Variants in TMTC2 observed in about 807,000 individuals in gnomAD.
The protein encoded by TMTC2 is transmembrane O-mannosyltransferase targeting cadherins 2, also known as protein O-mannosyl-transferase TMTC2.
Under a neutral mutation model 82.4 loss-of-function variants are expected in TMTC2, and 43 were observed. That is an observed-to-expected ratio of 0.52 (90% confidence interval 0.41 to 0.67). The LOEUF is 0.67. TMTC2 is among the 30% of genes least tolerant of loss of function. The probability of loss-of-function intolerance (pLI) is 0.00; values close to 1 mark genes in which losing one functional copy is unlikely to be tolerated. For synonymous variants in TMTC2, 408 were observed against 381.9 expected (o/e 1.07, Z -0.80); for missense variants, 919 against 1,012.4 (o/e 0.91, Z 1.25).
chr12:83,064,968 T>G (rs1314723966), intron 11 of TMTC2, among the ~76,000 whole-genome samples: 2 of 151,976 alleles, frequency 1.3e-5, no homozygotes, highest in Admixed American at 1.3e-4. Flanking sequence ...TTTTCTAGTT[T>G]TATCCCCTAC....
At chr12:82,693,853 C>G (rs946514811) in intron 1 of TMTC2, among the ~76,000 whole-genome samples, 12 of 151,248 alleles carry the variant, frequency 7.9e-5, no homozygotes, top group African/African-American at 2.9e-4. Context: ...CTGTAACCCC[C>G]GCTACTCAGG....
At chr12:83,100,481 A>G (rs1462748174) in intron 11 of TMTC2, among the ~76,000 whole-genome samples, 1 of 152,200 alleles carries the variant, frequency 6.6e-6, no homozygotes. Context: ...AGAAAATGGT[A>G]AAGTGAGGAT....
At chr12:83,040,892 G>C (rs887019969) in intron 9 of TMTC2, among the ~76,000 whole-genome samples, 1 of 151,962 alleles carries the variant, frequency 6.6e-6, no homozygotes, top group Admixed American at 6.6e-5. Flanking sequence ...CACCGTGTTA[G>C]CCAGGATGGT....
chr12:82,690,387 G>C, intron 1 of TMTC2: 1 of 985,412 alleles, frequency 1.0e-6, no homozygotes, highest in South Asian at 4.7e-5. Flanking sequence ...GGAGATGGCT[G>C]TTATTCCTGA....
intron 11 of TMTC2, among the ~76,000 whole-genome samples, chr12:83,114,878 T>C (rs1162108599): frequency 6.6e-6 from 1 of 151,690 alleles, no homozygotes; most frequent in African/African-American, 2.4e-5. Context: ...TATATATGTA[T>C]ATGTGTGTAT....
At chr12:82,812,400 A>G (rs116790887) in intron 1 of TMTC2, among the ~76,000 whole-genome samples, 2,532 of 152,208 alleles carry the variant, frequency 0.017, 62 homozygotes, top group African/African-American at 0.057. Flanking sequence ...TAATGGCCCA[A>G]CTGGAAATCT....
chr12:82,887,057 T>C (rs1013304350), intron 2 of TMTC2, among the ~76,000 whole-genome samples: 1 of 152,224 alleles, frequency 6.6e-6, no homozygotes, highest in Non-Finnish European at 1.5e-5. Context: ...TTTCAGAAAC[T>C]GATTTTTATC....
chr12:82,961,581 A>C (rs1202163042), intron 4 of TMTC2, among the ~76,000 whole-genome samples: 1 of 152,014 alleles, frequency 6.6e-6, no homozygotes, highest in East Asian at 1.9e-4. Context: ...ATTAATCATA[A>C]TAACTAGAGG....
rs35747972 is a variant in TMTC2 at position 82,997,295 on chromosome 12, A to G, written c.2070+11249A>G. On this transcript the variant is annotated intron_variant, in intron 8 of 11. Transcript: ENST00000321196. The stretch of plus-strand genomic sequence containing the variant: ...GGTGTATATAACTTTGCTTTTACAC[A>G]TTTGCCTGGACTGTGTGTGTGTGTG... Among the ~76,000 whole-genome samples, 220 of 118,864 alleles carry G rather than the reference A, an allele frequency of 1.9e-3. 2 individuals are homozygous for G. Among genetic ancestry groups the G allele is most frequent in the African/African-American group, 6.5e-3 (213 of 32,732 alleles). The allele number at this position is 118,864 out of a possible 152,430, so 78.0% of individuals were successfully genotyped here.
intron 1 of TMTC2, among the ~76,000 whole-genome samples, chr12:82,761,884 T>C (rs10686153): frequency 2.0e-5 from 3 of 149,912 alleles, no homozygotes; most frequent in Non-Finnish European, 4.4e-5. Context: ...CTTTCTTTCT[T>C]TCTCTCTCTT....
At chr12:82,991,353 T>C (rs1216364184) in intron 8 of TMTC2, among the ~76,000 whole-genome samples, 2 of 152,172 alleles carry the variant, frequency 1.3e-5, no homozygotes. Flanking sequence ...AACTACTTAT[T>C]CCCCCATCCT....
intron 1 of TMTC2, among the ~76,000 whole-genome samples, chr12:82,751,181 T>C (rs1039797853): frequency 6.6e-6 from 1 of 152,144 alleles, no homozygotes; most frequent in Admixed American, 6.5e-5. Context: ...ATGTGGCACA[T>C]ATACACAATG....
At chr12:82,966,535 T>C (rs1283760169) in intron 6 of TMTC2, among the ~76,000 whole-genome samples, 1 of 152,202 alleles carries the variant, frequency 6.6e-6, no homozygotes, top group Non-Finnish European at 1.5e-5. Flanking sequence ...GACATTATAT[T>C]AGATCCTACC....
intron 9 of TMTC2, among the ~76,000 whole-genome samples, chr12:83,038,043 A>G (rs1395983004): frequency 1.3e-5 from 2 of 150,556 alleles, no homozygotes; most frequent in Admixed American, 6.6e-5. Flanking sequence ...AAGGACAAAA[A>G]ACCAAACACC....
At chr12:82,952,895 C>T (rs946076485) in intron 4 of TMTC2, among the ~76,000 whole-genome samples, 1 of 152,054 alleles carries the variant, frequency 6.6e-6, no homozygotes, top group South Asian at 2.1e-4. Flanking sequence ...TTTAAAAACA[C>T]GAATAATGCA....
At chr12:82,800,676 A>G (rs1184821104) in intron 1 of TMTC2, among the ~76,000 whole-genome samples, 1 of 152,190 alleles carries the variant, frequency 6.6e-6, no homozygotes, top group Admixed American at 6.5e-5. Context: ...TTGGAAATGT[A>G]TGACTTACTG....
intron 1 of TMTC2, among the ~76,000 whole-genome samples, chr12:82,776,066 A>G (rs1877575739): frequency 6.6e-6 from 1 of 152,084 alleles, no homozygotes; most frequent in Non-Finnish European, 1.5e-5. Flanking sequence ...AGCTATGTAT[A>G]TGTATACAGT....
chr12:82,881,645 G>A (rs1402330835), intron 2 of TMTC2, among the ~76,000 whole-genome samples: 1 of 152,158 alleles, frequency 6.6e-6, no homozygotes, highest in Admixed American at 6.5e-5. Flanking sequence ...TCACAGCCAC[G>A]TTAATAATTT....
chr12:83,082,734 A>G (rs983219610), intron 11 of TMTC2, among the ~76,000 whole-genome samples: 24 of 152,238 alleles, frequency 1.6e-4, no homozygotes, highest in African/African-American at 5.8e-4. Flanking sequence ...CTCCCAGCAT[A>G]ACACTTCACA....
Sources: allele counts gnomAD v4.1 joint callset (sites outside exome capture counted in the v4.1 genomes callset), GRCh38; gene constraint gnomAD v4.1.1; transcripts MANE v1.5; gene names NCBI Gene and HGNC (gene_info 2026-07-23, HGNC 2026-07-21).